SORD: variants seen among roughly 807,000 people sequenced by gnomAD.
SORD encodes the protein sorbitol dehydrogenase, also known as (R,R)-butanediol dehydrogenase.
A neutral mutation model predicts 35.6 loss-of-function variants in SORD; 18 were observed. The ratio of observed to expected loss-of-function variants is 0.51; its 90% CI spans 0.35 to 0.75. SORD has a LOEUF of 0.75. SORD is among the 30% of genes least tolerant of loss of function. The probability of loss-of-function intolerance (pLI) is 0.01; values close to 1 mark genes in which losing one functional copy is unlikely to be tolerated. For missense variants in SORD, 250 were observed against 390.2 expected (o/e 0.64, Z 3.03); for synonymous variants, 106 against 152.9 (o/e 0.69, Z 2.26).
In SORD at chr15:45,064,654, G is replaced by A. The variant is rs533606804; in HGVS notation, c.426-617G>A. ...GTGGTTCTTCTGGAATGTATAATATGGGAGGCGACTATCAGAGTGATGCCC... is the reference window on the plus strand; with the variant it reads ...GTGGTTCTTCTGGAATGTATAATATAGGAGGCGACTATCAGAGTGATGCCC... On this transcript the variant is annotated intron_variant, in intron 4 of 8. Transcript: ENST00000267814. Among the ~76,000 whole-genome samples, 16 of 152,280 alleles carry A rather than the reference G, an allele frequency of 1.1e-4. No homozygotes were observed. In the East Asian group the frequency reaches 3.1e-3, roughly 29 times the overall value.
At chr15:45,035,115 C>T (rs565872200) in intron 1 of SORD, among the ~76,000 whole-genome samples, 21 of 152,298 alleles carry the variant, frequency 1.4e-4, no homozygotes, top group African/African-American at 4.8e-4. Context: ...CTGACCCTTC[C>T]CCCGACTCCG....
At chr15:45,027,346 G>A (rs1404777409) in intron 1 of SORD, among the ~76,000 whole-genome samples, 2 of 152,266 alleles carry the variant, frequency 1.3e-5, no homozygotes, top group African/African-American at 2.4e-5. Context: ...ACTGCTGCTA[G>A]TTGTATGACT....
In SORD at chr15:45,053,859, T is replaced by C. The variant is rs532800026; in HGVS notation, c.266-7208T>C. Among the ~76,000 whole-genome samples the C allele has an allele frequency of 6.5e-5, 9 of 138,954 alleles. No homozygotes were observed. In the East Asian group the frequency reaches 1.6e-3, roughly 25 times the overall value. 91.2% of individuals were successfully genotyped at this position (138,954 alleles called of 152,430 possible). ...CCTTCCTGTGTCCATGTGTTCTCAT[T>C]GTTCAATTCCCATCTATGAGTGAGA... On this transcript the variant is annotated intron_variant, in intron 3 of 8. Transcript: ENST00000267814.
intron 3 of SORD, among the ~76,000 whole-genome samples, chr15:45,059,287 C>T (rs1185577331): frequency 6.6e-6 from 1 of 151,822 alleles, no homozygotes; most frequent in Admixed American, 6.6e-5. Flanking sequence ...GCTGTGATTG[C>T]ATCACTGTAC....
chr15:45,040,567 AT>A, intron 2 of SORD, 126 bp downstream of exon 2: 2 of 759,564 alleles, frequency 2.6e-6, no homozygotes, highest in Non-Finnish European at 4.5e-6. Context: ...TTAAAAACCT[AT>A]GCTTTTGTTA....
intron 1 of SORD, among the ~76,000 whole-genome samples, chr15:45,025,348 T>C (rs904821788): frequency 6.6e-6 from 1 of 152,062 alleles, no homozygotes; most frequent in African/African-American, 2.4e-5. Context: ...GTTTAAGATG[T>C]CTCTGGAGGC....
At position 45,074,216 on chromosome 15, in the gene SORD, T is replaced by C. The variant is rs1893559081; in HGVS notation, c.*686T>C. 1 of 146,098 alleles carries C rather than the reference T, an allele frequency of 6.8e-6. No homozygotes were observed. The highest frequency in any genetic ancestry group is 2.7e-5 in the African/African-American group (1 of 37,258). The allele number at this position is 146,098 out of a possible 1,614,324, so 9.1% of individuals were successfully genotyped here. ...AGGACTACTCAGCACTGTTTGAAGA[T>C]TGCCTCTTCTACAGCTTCTGAGAAT... On this transcript the variant is annotated 3_prime_UTR_variant, in exon 9 of 9. Coordinates refer to ENST00000267814, the MANE Select transcript of SORD (RefSeq NM_003104.6).
At chr15:45,067,768 C>G (rs1893430373) in intron 5 of SORD, among the ~76,000 whole-genome samples, 1 of 152,166 alleles carries the variant, frequency 6.6e-6, no homozygotes, top group Non-Finnish European at 1.5e-5. Context: ...ATGTCTCTCT[C>G]TGGGGGAGGT....
chr15:45,062,004 G>A (rs1893321412), intron 4 of SORD, among the ~76,000 whole-genome samples: 1 of 152,030 alleles, frequency 6.6e-6, no homozygotes, highest in Non-Finnish European at 1.5e-5. Context: ...CCTGGCAAGT[G>A]ATTTTGGAGA....
At chr15:45,070,077 A>G (rs530025018) in intron 7 of SORD, 8 of 152,310 alleles carry the variant, frequency 5.3e-5, no homozygotes, top group African/African-American at 1.9e-4. Context: ...AATCTGCACA[A>G]TAGCCCTGAA....
chr15:45,054,103 A>T (rs1470738586), intron 3 of SORD, among the ~76,000 whole-genome samples: 1 of 151,718 alleles, frequency 6.6e-6, no homozygotes, highest in Non-Finnish European at 1.5e-5. Flanking sequence ...TGCAATAAAC[A>T]TACGTGTGCA....
At chr15:45,058,665 C>T (rs192141612) in intron 3 of SORD, 3 of 152,240 alleles carry the variant, frequency 2.0e-5, no homozygotes, top group Non-Finnish European at 2.9e-5. Flanking sequence ...AATTAAGGAG[C>T]ATGGACACCA....
chr15:45,061,656 A>T (rs1198562628), intron 4 of SORD, among the ~76,000 whole-genome samples: 1 of 151,912 alleles, frequency 6.6e-6, no homozygotes, highest in Non-Finnish European at 1.5e-5. Context: ...TCATGAGATT[A>T]GGAGATCGAG....
chr15:45,063,544 C>T (rs1403638147), intron 4 of SORD, among the ~76,000 whole-genome samples: 1 of 152,108 alleles, frequency 6.6e-6, no homozygotes, highest in Non-Finnish European at 1.5e-5. Context: ...TGCCTCCACA[C>T]CAGGTGGCTT....
At chr15:45,068,109 C>T (rs1893436230) in intron 5 of SORD, 72 bp from the exon 6 acceptor site, 7 of 1,152,928 alleles carry the variant, frequency 6.1e-6, no homozygotes, top group Non-Finnish European at 9.2e-6. Context: ...TGGTTCCTAT[C>T]CATGGCCTGG....
At position 45,036,412 on chromosome 15, in the gene SORD, C is replaced by G. The variant is rs74951804; in HGVS notation, c.67-3996C>G. 2,401 of 453,614 alleles carry G rather than the reference C, an allele frequency of 5.3e-3. 62 individuals are homozygous for G. The highest frequency in any genetic ancestry group is 0.045 in the African/African-American group (2,240 of 50,070). 28.1% of individuals were successfully genotyped at this position (453,614 alleles called of 1,614,324 possible). A position where few individuals can be genotyped will look rare whatever the true frequency, so the allele number is the denominator to read the frequency against. ...ACTCATTAAAAGATAAGAAATTCGG[C>G]CAGGCACAGTGGCTCACGCCTGTAA... On this transcript the variant is annotated intron_variant, in intron 1 of 8. Coordinates refer to ENST00000267814, the MANE Select transcript of SORD (RefSeq NM_003104.6).
chr15:45,056,618 T>G (rs1893221414), intron 3 of SORD, among the ~76,000 whole-genome samples: 1 of 152,218 alleles, frequency 6.6e-6, no homozygotes. Context: ...GTTTTTATGT[T>G]TAATAGTAGG....
intron 1 of SORD, among the ~76,000 whole-genome samples, chr15:45,028,943 G>C (rs1035418113): frequency 2.0e-5 from 3 of 152,250 alleles, no homozygotes; most frequent in African/African-American, 7.2e-5. Flanking sequence ...CATCATGTCT[G>C]TTTCTCTGAG....
At chr15:45,046,598 C>T (rs1893048360) in intron 3 of SORD, among the ~76,000 whole-genome samples, 1 of 152,158 alleles carries the variant, frequency 6.6e-6, no homozygotes, top group Non-Finnish European at 1.5e-5. Flanking sequence ...CTTTTCTTTC[C>T]TTAGGATACA....
Sources: allele counts gnomAD v4.1 joint callset (sites outside exome capture counted in the v4.1 genomes callset), GRCh38; gene constraint gnomAD v4.1.1; transcripts MANE v1.5; gene names NCBI Gene and HGNC (gene_info 2026-07-23, HGNC 2026-07-21).